Variants in DYNC2H1 observed in about 807,000 individuals in gnomAD.
DYNC2H1 encodes dynein cytoplasmic 2 heavy chain 1, also known as cytoplasmic dynein 2 heavy chain 1.
DYNC2H1 carries 410 observed loss-of-function variants against 570.0 expected under a neutral mutation model. The observed-to-expected ratio is 0.72, with a 90% CI of 0.66 to 0.78. The LOEUF (loss-of-function observed/expected upper bound fraction) is 0.78, where lower values mean the gene tolerates loss of function less well. DYNC2H1 is among the 30% of genes least tolerant of loss of function. DYNC2H1 has a pLI of 0.00. For synonymous variants in DYNC2H1, 1,688 were observed against 1,677.6 expected (o/e 1.01, Z -0.15); for missense variants, 4,865 against 5,046.4 (o/e 0.96, Z 1.09).
chr11:103,282,146 A>T, intron 71 of DYNC2H1, 33 bp from the exon 72 acceptor site: 1 of 1,591,130 alleles, frequency 6.3e-7, no homozygotes, highest in South Asian at 1.2e-5. Context: ...TATCATTTTT[A>T]TATTTTTGTG....
chr11:103,196,611 G>A (rs139400406), intron 47 of DYNC2H1, among the ~76,000 whole-genome samples: 188 of 152,130 alleles, frequency 1.2e-3, no homozygotes, highest in African/African-American at 4.2e-3. Context: ...TAAATGATTC[G>A]GGGAGAATTT....
At chr11:103,475,599 A>T (rs1945525418) in intron 88 of DYNC2H1, among the ~76,000 whole-genome samples, 1 of 152,298 alleles carries the variant, frequency 6.6e-6, no homozygotes, top group South Asian at 2.1e-4. Context: ...AACATTTACC[A>T]CTGAAGAGAT....
intron 88 of DYNC2H1, among the ~76,000 whole-genome samples, chr11:103,477,832 CAA>C (rs55817710): frequency 0.01 from 760 of 72,576 alleles, 1 homozygote; most frequent in African/African-American, 0.026. Flanking sequence ...CTCCCCATCT[CAA>C]AAAAAAAAAA....
At chr11:103,444,870 C>G (rs75100380) in intron 85 of DYNC2H1, among the ~76,000 whole-genome samples, 3,456 of 152,134 alleles carry the variant, frequency 0.023, 82 homozygotes, top group Middle Eastern at 0.058. Context: ...AATGGGTGGC[C>G]AAGGACCATT....
chr11:103,436,651 A>G (rs1944074016), intron 85 of DYNC2H1, among the ~76,000 whole-genome samples: 1 of 152,054 alleles, frequency 6.6e-6, no homozygotes, highest in South Asian at 2.1e-4. Flanking sequence ...CTCTTCATCC[A>G]TGTTTTTTAA....
At chr11:103,271,996 A>G (rs1439892981) in intron 70 of DYNC2H1, among the ~76,000 whole-genome samples, 1 of 152,234 alleles carries the variant, frequency 6.6e-6, no homozygotes, top group African/African-American at 2.4e-5. Context: ...TGGTTCAACC[A>G]TTGTGGAAGT....
chr11:103,454,223 T>C (rs1944710892), intron 85 of DYNC2H1, among the ~76,000 whole-genome samples: 1 of 152,104 alleles, frequency 6.6e-6, no homozygotes, highest in Non-Finnish European at 1.5e-5. Context: ...AATGAACACA[T>C]ATTTTTCTAG....
At chr11:103,391,201 T>C (rs919830778) in intron 83 of DYNC2H1, among the ~76,000 whole-genome samples, 6 of 152,234 alleles carry the variant, frequency 3.9e-5, no homozygotes, top group Non-Finnish European at 7.3e-5. Context: ...CATTTCTTTT[T>C]ACTCTTTTTT....
intron 28 of DYNC2H1, among the ~76,000 whole-genome samples, chr11:103,159,819 A>G (rs1458187023): frequency 6.6e-6 from 1 of 152,178 alleles, no homozygotes; most frequent in Non-Finnish European, 1.5e-5. Flanking sequence ...TCAGCAAAAT[A>G]TAACCCATGG....
chr11:103,322,610 A>G (rs7936583), intron 81 of DYNC2H1, among the ~76,000 whole-genome samples: 7,966 of 152,298 alleles, frequency 0.052, 262 homozygotes, highest in Non-Finnish European at 0.076. Context: ...ATCAGTCTGA[A>G]TATGTAACTG....
intron 75 of DYNC2H1, among the ~76,000 whole-genome samples, chr11:103,292,156 C>CTT (rs200746288): frequency 4.6e-5 from 6 of 130,876 alleles, no homozygotes; most frequent in African/African-American, 1.6e-4. Flanking sequence ...TCTTCTTCTT[C>CTT]TCTTTTTTTT....
intron 82 of DYNC2H1, among the ~76,000 whole-genome samples, chr11:103,328,757 A>G (rs1339686823): frequency 6.6e-6 from 1 of 152,174 alleles, no homozygotes; most frequent in African/African-American, 2.4e-5. Flanking sequence ...TTGTTTTTGT[A>G]ACCTGCTGCA....
At position 103,254,295 on chromosome 11, in the gene DYNC2H1, T is replaced by G. The variant is rs1280215085; in HGVS notation, c.10206+847T>G. On this transcript the variant is annotated intron_variant, in intron 66 of 88. Transcript: ENST00000375735. The surrounding 1 kb of genome is among the most constrained non-coding windows in gnomAD (Gnocchi z 4.9). ...AGAATTGCTCCTGCTGTGTAAAAGA[T>G]CTCCACAGTAGTTGCAAAAAAGGAG... 2.0e-5 allele frequency among the ~76,000 whole-genome samples: 3 copies of G among 152,178 alleles called. No individual in the cohort carries two copies. In the South Asian group the frequency reaches 6.2e-4, roughly 31 times the overall value.
rs533390263 is a variant in DYNC2H1 at position 103,274,967 on chromosome 11, C to T, written c.10696-5381C>T. On this transcript the variant is annotated intron_variant, in intron 70 of 88. Transcript: ENST00000375735. ...AAAATTAGCCAGGTGTGGTGGCGGG[C>T]ACCTATAATCCCAACTACTGGGAGG... is the stretch of plus-strand genomic sequence containing the variant. Among the ~76,000 whole-genome samples, 18 of 151,848 alleles carry T rather than the reference C, an allele frequency of 1.2e-4. 1 individual carries two copies. The South Asian group carries it at 3.8e-3, about 32-fold the overall frequency.
rs919403219 is a variant in DYNC2H1, at chr11:103,209,416, T to C, written c.8455-460T>C. ...CCAGTCACAGTGAGAATATACTTTT[T>C]AGAATGATCAGTTATGAAATTATTG... is the stretch of plus-strand genomic sequence containing the variant. On this transcript the variant is annotated intron_variant, in intron 52 of 88. Coordinates refer to ENST00000375735, the MANE Select transcript of DYNC2H1 (RefSeq NM_001377.3). The surrounding 1 kb of genome is among the most constrained non-coding windows in gnomAD (Gnocchi z 4.2). Among the ~76,000 whole-genome samples, 7 of 152,040 alleles carry C rather than the reference T, an allele frequency of 4.6e-5. No homozygotes were observed. The highest frequency in any genetic ancestry group is 2.9e-5 in the Non-Finnish European group (2 of 67,938).
intron 34 of DYNC2H1, among the ~76,000 whole-genome samples, chr11:103,171,660 G>A (rs1036762466): frequency 1.3e-5 from 2 of 152,088 alleles, no homozygotes; most frequent in African/African-American, 2.4e-5. Context: ...TGTTCACAGT[G>A]CCTTAATGTA....
intron 82 of DYNC2H1, among the ~76,000 whole-genome samples, chr11:103,343,621 C>T (rs970179767): frequency 1.3e-5 from 2 of 152,056 alleles, no homozygotes; most frequent in African/African-American, 2.4e-5. Flanking sequence ...ATTCATATGA[C>T]GAGAAGTGAG....
At chr11:103,341,879 A>G (rs1291414929) in intron 82 of DYNC2H1, among the ~76,000 whole-genome samples, 2 of 152,188 alleles carry the variant, frequency 1.3e-5, no homozygotes, top group African/African-American at 2.4e-5. Flanking sequence ...GGTTTCTTCA[A>G]TTATTTCAGT....
intron 70 of DYNC2H1, among the ~76,000 whole-genome samples, chr11:103,265,012 T>G (rs1200272959): frequency 6.6e-6 from 1 of 152,168 alleles, no homozygotes; most frequent in Non-Finnish European, 1.5e-5. Context: ...ATAAGCAACT[T>G]CAGCAAAGTC....
Sources: allele counts gnomAD v4.1 joint callset (sites outside exome capture counted in the v4.1 genomes callset), GRCh38; gene constraint gnomAD v4.1.1; non-coding constraint Gnocchi (gnomAD v3.1); transcripts MANE v1.5; gene names NCBI Gene and HGNC (gene_info 2026-07-23, HGNC 2026-07-21).